The following CLEC16A variants were observed in gnomAD, a reference collection of about 807,000 sequenced individuals.
CLEC16A encodes the protein C-type lectin domain containing 16A.
Under a neutral mutation model 109.5 loss-of-function variants are expected in CLEC16A, and 51 were observed. That is an observed-to-expected ratio of 0.47 (90% confidence interval 0.37 to 0.59). CLEC16A has a LOEUF of 0.59. Ranked by LOEUF, CLEC16A falls within the 20% of genes least tolerant of loss-of-function variation. The pLI is 0.00. For missense variants in CLEC16A, 1,339 were observed against 1,394.0 expected (o/e 0.96, Z 0.63); for synonymous variants, 673 against 564.2 (o/e 1.19, Z -2.73).
At chr16:10,968,449 C>T (rs1280303759) in intron 3 of CLEC16A, among the ~76,000 whole-genome samples, 1 of 152,186 alleles carries the variant, frequency 6.6e-6, no homozygotes, top group Non-Finnish European at 1.5e-5. Flanking sequence ...CTTCAGTTGA[C>T]CCCAGTGCCC....
chr16:11,124,193 G>A (rs575810336), intron 21 of CLEC16A, among the ~76,000 whole-genome samples: 3 of 152,362 alleles, frequency 2.0e-5, no homozygotes, highest in Non-Finnish European at 2.9e-5. Context: ...ATAAGTAGAC[G>A]TCAGTGTGGG....
chr16:11,142,742 A>G (rs935043497), intron 22 of CLEC16A, among the ~76,000 whole-genome samples: 1 of 152,206 alleles, frequency 6.6e-6, no homozygotes, highest in Non-Finnish European at 1.5e-5. Context: ...TATTGTCTTC[A>G]TGGATCTACA....
intron 11 of CLEC16A, among the ~76,000 whole-genome samples, chr16:11,007,638 A>G (rs2152764168): frequency 6.6e-6 from 1 of 152,360 alleles, no homozygotes; most frequent in Non-Finnish European, 1.5e-5. Flanking sequence ...ACCCTGGCCA[A>G]GGTGGAGGGC....
chr16:10,990,849 C>A (rs2043964027), intron 10 of CLEC16A, among the ~76,000 whole-genome samples: 1 of 152,168 alleles, frequency 6.6e-6, no homozygotes, highest in Non-Finnish European at 1.5e-5. Context: ...GAGGTACATG[C>A]CACTTCTGGC....
At chr16:11,108,424 C>G (rs911827811) in intron 19 of CLEC16A, among the ~76,000 whole-genome samples, 1 of 152,254 alleles carries the variant, frequency 6.6e-6, no homozygotes, top group Non-Finnish European at 1.5e-5. Flanking sequence ...GGGAGTTAAA[C>G]CCTCAGGGCT....
chr16:11,111,283 ACT>A (rs1278292395), intron 19 of CLEC16A, among the ~76,000 whole-genome samples: 2 of 151,980 alleles, frequency 1.3e-5, no homozygotes, highest in Non-Finnish European at 2.9e-5. Flanking sequence ...AATGGGAATA[ACT>A]CTGCTCCACA....
chr16:11,115,802 A>G (rs2051945812), intron 19 of CLEC16A, among the ~76,000 whole-genome samples: 1 of 152,180 alleles, frequency 6.6e-6, no homozygotes, highest in African/African-American at 2.4e-5. Context: ...CCAGTATGGA[A>G]CTAAAAATTC....
At chr16:11,020,509 A>T (rs981400818) in intron 12 of CLEC16A, among the ~76,000 whole-genome samples, 184 bp downstream of exon 12, 8 of 152,084 alleles carry the variant, frequency 5.3e-5, no homozygotes, top group African/African-American at 1.9e-4. Flanking sequence ...ATCACTCAAC[A>T]CTGTAATGCT....
intron 11 of CLEC16A, among the ~76,000 whole-genome samples, chr16:11,017,151 C>T (rs938372361): frequency 2.0e-5 from 3 of 152,172 alleles, no homozygotes; most frequent in African/African-American, 7.2e-5. Context: ...AGTGGCCCAC[C>T]CCGCCTCAGA....
At chr16:11,088,013 C>G (rs563308182) in intron 19 of CLEC16A, among the ~76,000 whole-genome samples, 1 of 152,242 alleles carries the variant, frequency 6.6e-6, no homozygotes, top group African/African-American at 2.4e-5. Flanking sequence ...AGTTTCAGAG[C>G]TCTTGCTACC....
intron 22 of CLEC16A, 108 bp downstream of exon 22, chr16:11,126,254 C>A (rs759223396): frequency 4.5e-6 from 7 of 1,562,298 alleles, no homozygotes; most frequent in Non-Finnish European, 5.2e-6. Flanking sequence ...TCAGAAGCCC[C>A]GTCGGCTGGC....
chr16:10,959,014 G>GGTGTGTGT (rs59658260), intron 2 of CLEC16A, among the ~76,000 whole-genome samples: 3,448 of 146,270 alleles, frequency 0.024, 56 homozygotes, highest in East Asian at 0.051. Context: ...ACTAAACACG[G>GGTGTGTGT]GTGTGTGTGT....
chr16:11,125,860 G>A (rs1034504994), intron 21 of CLEC16A, 119 bp from the exon 22 acceptor site: 26 of 966,706 alleles, frequency 2.7e-5, no homozygotes, highest in African/African-American at 8.2e-5. Context: ...CCCACTTGGC[G>A]TCTCCCAAGT....
At chr16:11,015,353 G>T (rs78874393) in intron 11 of CLEC16A, among the ~76,000 whole-genome samples, 1 of 152,044 alleles carries the variant, frequency 6.6e-6, no homozygotes, top group African/African-American at 2.4e-5. Flanking sequence ...AAGGGGGAGC[G>T]GTCCTGGCTT....
At chr16:10,948,026 T>C (rs2041495255) in intron 1 of CLEC16A, among the ~76,000 whole-genome samples, 1 of 152,062 alleles carries the variant, frequency 6.6e-6, no homozygotes, top group South Asian at 2.1e-4. Context: ...CCAGAGTAGC[T>C]GGGACTACAG....
chr16:10,949,316 T>G (rs896181438), intron 1 of CLEC16A, among the ~76,000 whole-genome samples: 7 of 152,078 alleles, frequency 4.6e-5, no homozygotes, highest in Non-Finnish European at 5.9e-5. Context: ...CTATGTCACG[T>G]CTAAGTTCTT....
intron 22 of CLEC16A, among the ~76,000 whole-genome samples, chr16:11,163,472 G>C (rs41370): frequency 5.9e-5 from 9 of 151,980 alleles, no homozygotes; most frequent in Non-Finnish European, 1.3e-4. Flanking sequence ...GGATGGGATC[G>C]GTAGTTGGTG....
chr16:10,985,220 A>AATATATAT lies in CLEC16A; in HGVS notation c.1071+2239_1071+2246dup, dbSNP rs57265284. On this transcript the variant is annotated intron_variant, in intron 10 of 23. Transcript: ENST00000409790. Reference sequence around the variant, plus strand: ...TCCATCTCAAAAAAAAAAAAAAAAAAATATATATATATATATAGTGCCCAT... The same window carrying AATATATAT: ...TCCATCTCAAAAAAAAAAAAAAAAAAATATATATATATATATATATATATAGTGCCCAT... Among the ~76,000 whole-genome samples the AATATATAT allele has an allele frequency of 6.1e-4, 63 of 104,076 alleles. 1 individual carries two copies. Among genetic ancestry groups the AATATATAT allele is most frequent in the Middle Eastern group, 5.3e-3 (1 of 190 alleles). The allele number at this position is 104,076 out of a possible 152,430, so 68.3% of individuals were successfully genotyped here.
At chr16:11,155,600 T>C (rs1197032954) in intron 22 of CLEC16A, among the ~76,000 whole-genome samples, 1 of 152,274 alleles carries the variant, frequency 6.6e-6, no homozygotes, top group Non-Finnish European at 1.5e-5. Context: ...ATCACGGCCT[T>C]TCTGTGGCTC....
Sources: allele counts gnomAD v4.1 joint callset (sites outside exome capture counted in the v4.1 genomes callset), GRCh38; gene constraint gnomAD v4.1.1; transcripts MANE v1.5; gene names NCBI Gene and HGNC (gene_info 2026-07-23, HGNC 2026-07-21).